The following OXCT1 variants were observed in gnomAD, a reference collection of about 807,000 sequenced individuals.
OXCT1 encodes the protein 3-oxoacid CoA-transferase 1.
A neutral mutation model predicts 69.6 loss-of-function variants in OXCT1; 27 were observed. That is an observed-to-expected ratio of 0.39 (90% CI 0.29 to 0.54). The LOEUF (loss-of-function observed/expected upper bound fraction) is 0.54. Among genes scored for constraint, OXCT1 ranks in the 20% least tolerant of loss-of-function variants. OXCT1 has a pLI of 0.72. For synonymous variants in OXCT1, 202 were observed against 217.8 expected (o/e 0.93, Z 0.64); for missense variants, 437 against 650.2 (o/e 0.67, Z 3.57).
chr5:41,743,996 G>A (rs1021087021), intron 15 of OXCT1, among the ~76,000 whole-genome samples: 18 of 152,100 alleles, frequency 1.2e-4, no homozygotes, highest in African/African-American at 4.4e-4. Flanking sequence ...CTTTAAAGTA[G>A]TTTGTTCCAA....
intron 14 of OXCT1, among the ~76,000 whole-genome samples, chr5:41,761,496 C>T (rs1744344287): frequency 6.6e-6 from 1 of 152,108 alleles, no homozygotes; most frequent in African/African-American, 2.4e-5. Flanking sequence ...ATGTAAGCTT[C>T]ATGAGATCAG....
At chr5:41,776,980 T>C (rs533717688) in intron 13 of OXCT1, among the ~76,000 whole-genome samples, 2 of 152,368 alleles carry the variant, frequency 1.3e-5, no homozygotes, top group South Asian at 4.1e-4. Flanking sequence ...TGACAAATGA[T>C]GTACCATTTC....
rs1336643508 is a variant in OXCT1, at chr5:41,870,333, G to A, written c.26C>T (p.Ser9Phe). The A allele has an allele frequency of 6.2e-7, 1 of 1,613,854 alleles. No individual in the cohort carries two copies. Among genetic ancestry groups the A allele is most frequent in the Admixed American group, 1.7e-5 (1 of 60,028 alleles). Residue 9 changes from serine (S) to phenylalanine (F), a missense_variant, in exon 1 of 17, where the codon TCC (serine) becomes TTC (phenylalanine). Physicochemically the swap from Ser to Phe is radical, Grantham distance 155. Coordinates refer to ENST00000196371, the MANE Select transcript of OXCT1 (RefSeq NM_000436.4). The surrounding 1 kb of genome is among the most constrained non-coding windows in gnomAD (Gnocchi z 4.2). MAALKLLS[S>F]GLRLCASARG... Reference sequence around the variant, plus strand: ...GGCAGAGGCGCAGAGCCGAAGCCCGGAGGAGAGGAGTTTGAGAGCCGCCAT... The same window carrying A: ...GGCAGAGGCGCAGAGCCGAAGCCCGAAGGAGAGGAGTTTGAGAGCCGCCAT...
chr5:41,768,178 C>G (rs1242716683), intron 13 of OXCT1, among the ~76,000 whole-genome samples: 1 of 152,112 alleles, frequency 6.6e-6, no homozygotes, highest in Non-Finnish European at 1.5e-5. Context: ...CATTTTCCAG[C>G]CTTCCTTGAA....
At chr5:41,760,054 C>G (rs878878598) in intron 14 of OXCT1, among the ~76,000 whole-genome samples, 1 of 152,080 alleles carries the variant, frequency 6.6e-6, no homozygotes, top group South Asian at 2.1e-4. Context: ...ACTCTCTTCC[C>G]TACCTCTTTT....
chr5:41,819,369 G>A (rs1437548172), intron 7 of OXCT1, among the ~76,000 whole-genome samples: 1 of 150,702 alleles, frequency 6.6e-6, no homozygotes, highest in African/African-American at 2.4e-5. Context: ...TTCCTTTTTT[G>A]GGGGGGATTG....
At chr5:41,736,874 T>C (rs957458267) in intron 16 of OXCT1, among the ~76,000 whole-genome samples, 13 of 152,222 alleles carry the variant, frequency 8.5e-5, no homozygotes, top group African/African-American at 3.1e-4. Flanking sequence ...TAGTCACATA[T>C]GGAGTACAAT....
At chr5:41,772,204 G>T (rs924197663) in intron 13 of OXCT1, among the ~76,000 whole-genome samples, 6 of 152,142 alleles carry the variant, frequency 3.9e-5, no homozygotes, top group African/African-American at 1.2e-4. Flanking sequence ...GAGGATGTGG[G>T]TTGGTTGGGG....
At chr5:41,738,525 T>G (rs1039924101) in intron 16 of OXCT1, among the ~76,000 whole-genome samples, 5 of 152,226 alleles carry the variant, frequency 3.3e-5, no homozygotes, top group African/African-American at 1.2e-4. Context: ...GCCATGATTG[T>G]GAGGCCTCCC....
At chr5:41,833,354 A>T (rs1748190361) in intron 7 of OXCT1, among the ~76,000 whole-genome samples, 1 of 152,168 alleles carries the variant, frequency 6.6e-6, no homozygotes, top group African/African-American at 2.4e-5. Flanking sequence ...GTAGCATGAC[A>T]TATTTAAAGG....
intron 11 of OXCT1, among the ~76,000 whole-genome samples, chr5:41,798,134 T>C (rs1311592393): frequency 3.3e-5 from 5 of 152,036 alleles, no homozygotes; most frequent in African/African-American, 1.2e-4. Flanking sequence ...TAAAATCTCA[T>C]GAAAGACACA....
At chr5:41,830,535 G>T (rs547175525) in intron 7 of OXCT1, among the ~76,000 whole-genome samples, 1 of 152,172 alleles carries the variant, frequency 6.6e-6, no homozygotes, top group African/African-American at 2.4e-5. Context: ...CATAGTGAAT[G>T]CCAAATTTGA....
At position 41,730,091 on chromosome 5, in the gene OXCT1, T is replaced by G. The variant is rs1226385333; in HGVS notation, c.*1638A>C. ...ACATCACTTTAGAATATTTATTGTATTCCTTAATGCATTTCTTAACATGTA... is the reference window on the plus strand; with the variant it reads ...ACATCACTTTAGAATATTTATTGTAGTCCTTAATGCATTTCTTAACATGTA... On this transcript the variant is annotated 3_prime_UTR_variant, in exon 17 of 17. Coordinates refer to ENST00000196371, the MANE Select transcript of OXCT1 (RefSeq NM_000436.4). 1 of 152,222 alleles carries G rather than the reference T, an allele frequency of 6.6e-6. No homozygotes were observed. The highest frequency in any genetic ancestry group is 2.4e-5 in the African/African-American group (1 of 41,450). The allele number at this position is 152,222 out of a possible 1,614,324, so 9.4% of individuals were successfully genotyped here.
intron 15 of OXCT1, among the ~76,000 whole-genome samples, chr5:41,748,732 G>C (rs1034276713): frequency 6.6e-6 from 1 of 152,036 alleles, no homozygotes; most frequent in African/African-American, 2.4e-5. Flanking sequence ...TGAGGTTAGC[G>C]AGTCAGATTA....
intron 2 of OXCT1, among the ~76,000 whole-genome samples, chr5:41,861,875 G>A (rs1278575451): frequency 6.6e-6 from 1 of 152,178 alleles, no homozygotes; most frequent in Non-Finnish European, 1.5e-5. Flanking sequence ...TTGAATGAGT[G>A]GAGATCAATG....
chr5:41,838,289 A>G (rs1188794302), intron 7 of OXCT1, among the ~76,000 whole-genome samples: 1 of 152,214 alleles, frequency 6.6e-6, no homozygotes, highest in Non-Finnish European at 1.5e-5. Flanking sequence ...TGCCCAATCT[A>G]GGCACTAACC....
chr5:41,792,260 G>A (rs1274802330), intron 13 of OXCT1, among the ~76,000 whole-genome samples: 1 of 152,148 alleles, frequency 6.6e-6, no homozygotes, highest in Non-Finnish European at 1.5e-5. Context: ...GGAAAAATAG[G>A]AAATTAGCTC....
chr5:41,840,654 T>A (rs1748584966), intron 6 of OXCT1, 143 bp from the exon 7 acceptor site: 1 of 583,438 alleles, frequency 1.7e-6, no homozygotes, highest in East Asian at 2.8e-5. Context: ...ATATTTTCCA[T>A]TAATAAAGTT....
chr5:41,733,310 G>A (rs535746293), intron 16 of OXCT1, among the ~76,000 whole-genome samples: 9 of 149,178 alleles, frequency 6.0e-5, no homozygotes, highest in African/African-American at 1.7e-4. Context: ...GCAATGGCGC[G>A]ATCTTGGCTC....
Sources: allele counts gnomAD v4.1 joint callset (sites outside exome capture counted in the v4.1 genomes callset), GRCh38; gene constraint gnomAD v4.1.1; non-coding constraint Gnocchi (gnomAD v3.1); transcripts MANE v1.5; gene names NCBI Gene and HGNC (gene_info 2026-07-23, HGNC 2026-07-21).